The following KMT2A variants were observed in gnomAD, a reference collection of about 807,000 sequenced individuals.
KMT2A encodes the protein lysine methyltransferase 2A.
A neutral mutation model predicts 345.3 loss-of-function variants in KMT2A; 16 were observed. The ratio of observed to expected loss-of-function variants is 0.05; its 90% confidence interval spans 0.03 to 0.07. The LOEUF is 0.07. Among genes scored for constraint, KMT2A ranks in the 10% least tolerant of loss-of-function variants. The pLI is 1.00. For synonymous variants in KMT2A, 1,599 were observed against 1,778.6 expected, an observed-to-expected ratio of 0.90 and a Z score of 2.54; for missense variants, 3,272 against 4,841.6, an observed-to-expected ratio of 0.68 and a Z score of 9.62.
chr11:118,473,581 G>A lies in KMT2A; in HGVS notation c.2422G>A (p.Glu808Lys), dbSNP rs2134268499. 6.2e-7 allele frequency: 1 copy of A among 1,614,062 alleles called. No individual in the cohort carries two copies. The highest frequency in any genetic ancestry group is 1.1e-5 in the South Asian group (1 of 91,086). ...TTCTCATTCCCTGACTCAGTCTGGG[G>A]AATCTGCAGAGAAAAATCAGAGACC... ...FPSHSLTQSGESAEKNQRPRK... is the reference protein window; with the variant it reads ...FPSHSLTQSGKSAEKNQRPRK... The change falls in exon 3 of 36, where the codon GAA (glutamate) becomes AAA (lysine). Residue 808 changes from glutamate to lysine, a missense_variant. Glu to Lys is a moderately conservative substitution (Grantham distance 56, BLOSUM62 1). Transcript: ENST00000534358. This position sits in a 1 kb window ranked among gnomAD's most constrained non-coding sequence, Gnocchi z 5.2.
chr11:118,460,405 A>T (rs545098406), intron 1 of KMT2A, among the ~76,000 whole-genome samples: 32 of 151,222 alleles, frequency 2.1e-4, no homozygotes, highest in Non-Finnish European at 3.7e-4. Flanking sequence ...CTCCTACCTC[A>T]GCCTCCCGAG....
chr11:118,505,223 G>A lies in KMT2A; in HGVS notation c.9331G>A (p.Val3111Ile), dbSNP rs781929360. 9.9e-6 allele frequency: 16 copies of A among 1,613,946 alleles called. No individual in the cohort carries two copies. In the Admixed American group the frequency reaches 2.5e-4, roughly 25 times the overall value. ...CCAAAAAATCCAATTGACCTCTTCT[G>A]TTAGTTCTACACCCAGTGTGATGGA... ...VTQKIQLTSS[V>I]SSTPSVMETN... Residue 3111 changes from valine (V) to isoleucine (I), a missense_variant, in exon 27 of 36, where the codon GTT (valine) becomes ATT (isoleucine). Physicochemically the swap from Val to Ile is conservative, Grantham distance 29. Around this residue, in one of 27 missense-constraint regions of KMT2A, gnomAD observed 748 missense variants for 922.2 expected, o/e 0.81. Transcript: ENST00000534358. This position sits in a 1 kb window ranked among gnomAD's most constrained non-coding sequence, Gnocchi z 4.6.
chr11:118,501,894 T>TTTG, intron 26 of KMT2A, 37 bp downstream of exon 26: 2 of 1,527,266 alleles, frequency 1.3e-6, no homozygotes, highest in Middle Eastern at 1.7e-4. Context: ...CCTAAGAAGA[T>TTTG]CAGCCCAAAG....
Position 118,476,995 on chromosome 11 carries a change from G to T in KMT2A, c.3334+13G>T. On this transcript the variant is annotated intron_variant, in intron 4 of 35. Coordinates refer to ENST00000534358, the MANE Select transcript of KMT2A (RefSeq NM_001197104.2). This position sits in a 1 kb window ranked among gnomAD's most constrained non-coding sequence, Gnocchi z 4.1. ...ATGGGGAATGATGGTAGGTCAAGAA[G>T]GTCAATCTTGGAGTCGGAACAGACT... is the stretch of plus-strand genomic sequence containing the variant. The T allele has an allele frequency of 6.2e-7, 1 of 1,613,358 alleles. No homozygotes were observed. Among genetic ancestry groups the T allele is most frequent in the Non-Finnish European group, 8.5e-7 (1 of 1,179,518 alleles).
intron 1 of KMT2A, among the ~76,000 whole-genome samples, chr11:118,445,806 C>A (rs1478647960): frequency 6.6e-6 from 1 of 152,158 alleles, no homozygotes; most frequent in African/African-American, 2.4e-5. Flanking sequence ...AGTTCGAGAC[C>A]AGCCTGGCTA....
intron 1 of KMT2A, among the ~76,000 whole-genome samples, chr11:118,459,517 A>T (rs1203441526): frequency 1.3e-5 from 2 of 152,094 alleles, no homozygotes; most frequent in African/African-American, 4.8e-5. Flanking sequence ...GTGTGAGCAA[A>T]GTCATCCTAG....
intron 1 of KMT2A, among the ~76,000 whole-genome samples, chr11:118,446,232 C>T (rs1053919333): frequency 6.6e-6 from 1 of 151,970 alleles, no homozygotes. Flanking sequence ...ACCTGCAATC[C>T]CAGCTACTTG....
In KMT2A at chr11:118,446,353, GAAAGA is replaced by G. The variant is rs553717686; in HGVS notation, c.432+9430_432+9434del. Among the ~76,000 whole-genome samples the G allele has an allele frequency of 1.7e-3, 265 of 152,136 alleles. 2 individuals are homozygous for G. Among genetic ancestry groups the G allele is most frequent in the Non-Finnish European group, 2.8e-3 (187 of 67,994 alleles). On this transcript the variant is annotated intron_variant, in intron 1 of 35. Coordinates refer to ENST00000534358, the MANE Select transcript of KMT2A (RefSeq NM_001197104.2). ...GATAGAGTGAGACTGTGTCTCAAAA[GAAAGA>G]AAAGAAAAGAAAAGAAAAGATTTGC...
Position 118,498,590 on chromosome 11 carries a change from T to C in KMT2A, c.5961+62T>C. 1 of 1,506,956 alleles carries C rather than the reference T, an allele frequency of 6.6e-7. No individual in the cohort carries two copies. The highest frequency in any genetic ancestry group is 2.3e-5 in the East Asian group (1 of 44,356). 93.3% of individuals were successfully genotyped at this position (1,506,956 alleles called of 1,614,324 possible). ...AGACTTTTTTAGAGCAGTTTTAGGT[T>C]CACAGCAAAATTGACTGGAAGGTAC... is the stretch of plus-strand genomic sequence containing the variant. On this transcript the variant is annotated intron_variant, in intron 22 of 35. Coordinates refer to ENST00000534358, the MANE Select transcript of KMT2A (RefSeq NM_001197104.2). The surrounding 1 kb of genome is among the most constrained non-coding windows in gnomAD (Gnocchi z 4.4).
At position 118,504,122 on chromosome 11, in the gene KMT2A, C is replaced by G. The variant is rs782085508; in HGVS notation, c.8230C>G (p.Pro2744Ala). Residue 2744 changes from proline to alanine, a missense_variant, in exon 27 of 36, where the codon CCA becomes GCA. Pro to Ala is a conservative substitution (Grantham distance 27). Around this residue, in one of 27 missense-constraint regions of KMT2A, gnomAD observed 100 missense variants for 101.3 expected, o/e 0.99. Transcript: ENST00000534358. The surrounding 1 kb of genome is among the most constrained non-coding windows in gnomAD (Gnocchi z 6.4). ...CACAACAAGGAAAAGCAGCCAGATT[C>G]CAAAAAGAAATGGTAAAGAAAATGG... ...TATTRKSSQI[P>A]KRNGKENGTE... is the part of the protein sequence containing the mutation. 3 of 1,613,902 alleles carry G rather than the reference C, an allele frequency of 1.9e-6. No homozygotes were observed. The highest frequency in any genetic ancestry group is 2.5e-6 in the Non-Finnish European group (3 of 1,179,992).
At chr11:118,459,445 C>T (rs1425693481) in intron 1 of KMT2A, among the ~76,000 whole-genome samples, 1 of 152,114 alleles carries the variant, frequency 6.6e-6, no homozygotes, top group Non-Finnish European at 1.5e-5. Flanking sequence ...TTTGAGATGC[C>T]TACCACTTAA....
chr11:118,494,867 G>A lies in KMT2A; in HGVS notation c.5363+100G>A. The A allele has an allele frequency of 1.1e-6, 1 of 895,806 alleles. No individual in the cohort carries two copies. The highest frequency in any genetic ancestry group is 1.8e-6 in the Non-Finnish European group (1 of 560,074). The allele number at this position is 895,806 out of a possible 1,614,324, so 55.5% of individuals were successfully genotyped here. A position where few individuals can be genotyped will look rare whatever the true frequency, so the allele number is the denominator to read the frequency against. ...AGTTTTCCAAAAGGTTTTAATACTAGAAATGAATTGGTTGAAATGCCTTTT... is the reference window on the plus strand; with the variant it reads ...AGTTTTCCAAAAGGTTTTAATACTAAAAATGAATTGGTTGAAATGCCTTTT... On this transcript the variant is annotated intron_variant, in intron 18 of 35. Coordinates refer to ENST00000534358, the MANE Select transcript of KMT2A (RefSeq NM_001197104.2). This position sits in a 1 kb window ranked among gnomAD's most constrained non-coding sequence, Gnocchi z 5.8.
chr11:118,473,648 G>C lies in KMT2A; in HGVS notation c.2489G>C (p.Ser830Thr), dbSNP rs542341518. Reference protein sequence around the residue: ...TSAPAEPFSSSSPTPLFPWFT... With the variant: ...TSAPAEPFSSTSPTPLFPWFT... The stretch of plus-strand genomic sequence containing the variant: ...GCTCCGGCAGAGCCATTTTCATCAA[G>C]TAGTCCTACTCCTCTCTTCCCTTGG... Residue 830 changes from serine (S) to threonine (T), a missense_variant, in exon 3 of 36, where the codon AGT (serine) becomes ACT (threonine). Physicochemically the swap from Ser to Thr is moderately conservative, Grantham distance 58. This residue lies in a region of KMT2A where 209 missense variants were observed against 237.4 expected (regional missense o/e 0.88). Coordinates refer to ENST00000534358, the MANE Select transcript of KMT2A (RefSeq NM_001197104.2). This position sits in a 1 kb window ranked among gnomAD's most constrained non-coding sequence, Gnocchi z 5.2. The C allele has an allele frequency of 2.5e-6, 4 of 1,614,086 alleles. No individual in the cohort carries two copies. The South Asian group carries it at 4.4e-5, about 18-fold the overall frequency.
At chr11:118,477,092 A>G (rs1282119912) in intron 4 of KMT2A, 110 bp downstream of exon 4, 6 of 973,776 alleles carry the variant, frequency 6.2e-6, no homozygotes, top group Non-Finnish European at 9.5e-6. Context: ...TCTGAAAAAC[A>G]GATGGCAAGA....
chr11:118,483,868 T>C (rs1354053958), intron 8 of KMT2A, among the ~76,000 whole-genome samples: 1 of 152,042 alleles, frequency 6.6e-6, no homozygotes, highest in Non-Finnish European at 1.5e-5. Context: ...ACAGTTGCTA[T>C]AAAAAATTTA....
Position 118,522,782 on chromosome 11 carries a change from T to C in KMT2A, c.*610T>C, listed in dbSNP as rs1325155442. On this transcript the variant is annotated 3_prime_UTR_variant, in exon 36 of 36. Transcript: ENST00000534358. The surrounding 1 kb of genome is among the most constrained non-coding windows in gnomAD (Gnocchi z 5.4). The stretch of plus-strand genomic sequence containing the variant: ...GGTTGTGCCAATTAATTACCAAACA[T>C]TGAGCCTGCAGGCTTTGAGTGGGAG... 10 of 212,368 alleles carry C rather than the reference T, an allele frequency of 4.7e-5. No homozygotes were observed. The highest frequency in any genetic ancestry group is 2.0e-4 in the African/African-American group (9 of 44,060). The allele number at this position is 212,368 out of a possible 1,614,324, so 13.2% of individuals were successfully genotyped here.
At chr11:118,499,777 CA>C (rs2134374212) in intron 23 of KMT2A, 57 bp from the exon 24 acceptor site, 3 of 1,337,922 alleles carry the variant, frequency 2.2e-6, no homozygotes, top group Non-Finnish European at 2.1e-6. Context: ...GAGACTCTCT[CA>C]AAAAAATAAA....
chr11:118,516,245 G>A (rs1950811206), intron 31 of KMT2A, among the ~76,000 whole-genome samples: 1 of 152,162 alleles, frequency 6.6e-6, no homozygotes, highest in Non-Finnish European at 1.5e-5. Flanking sequence ...ACACAGAGGT[G>A]GGTAGTTGGT....
In KMT2A at chr11:118,510,959, G is replaced by C. The variant is rs781872417; in HGVS notation, c.11071+841G>C. Reference sequence around the variant, plus strand: ...AGTTAGAAAGGCAGGACTGCATTTGGTGGGTTTAGAGTAGTGTCAGGTGAG... The same window carrying C: ...AGTTAGAAAGGCAGGACTGCATTTGCTGGGTTTAGAGTAGTGTCAGGTGAG... On this transcript the variant is annotated intron_variant, in intron 30 of 35. Coordinates refer to ENST00000534358, the MANE Select transcript of KMT2A (RefSeq NM_001197104.2). This position sits in a 1 kb window ranked among gnomAD's most constrained non-coding sequence, Gnocchi z 4.1. Among the ~76,000 whole-genome samples, 1 of 152,186 alleles carries C rather than the reference G, an allele frequency of 6.6e-6. No individual in the cohort carries two copies. The highest frequency in any genetic ancestry group is 1.5e-5 in the Non-Finnish European group (1 of 68,038).
Sources: allele counts gnomAD v4.1 joint callset (sites outside exome capture counted in the v4.1 genomes callset), GRCh38; gene constraint gnomAD v4.1.1; regional missense constraint gnomAD v4.1.1; non-coding constraint Gnocchi (gnomAD v3.1); transcripts MANE v1.5; gene names NCBI Gene and HGNC (gene_info 2026-07-23, HGNC 2026-07-21).